TBC1D1: variants seen among roughly 807,000 people sequenced by gnomAD.
TBC1D1 encodes TBC1 (tre-2/USP6, BUB2, cdc16) domain family, member 1.
A neutral mutation model predicts 125.6 loss-of-function variants in TBC1D1; 89 were observed. The ratio of observed to expected loss-of-function variants is 0.71; its 90% CI spans 0.60 to 0.85. The LOEUF (loss-of-function observed/expected upper bound fraction) is 0.85. Ranked by LOEUF, TBC1D1 falls within the 40% of genes least tolerant of loss-of-function variation. The pLI, the probability that TBC1D1 is intolerant of heterozygous loss-of-function variation, is 0.00. For missense variants in TBC1D1, 1,377 were observed against 1,469.2 expected, an observed-to-expected ratio of 0.94 and a Z score of 1.03; for synonymous variants, 565 against 564.1, an observed-to-expected ratio of 1.00 and a Z score of -0.02.
In TBC1D1 at chr4:37,895,805, TG is replaced by T. The variant is rs1714441508; in HGVS notation, c.-94+4458del. On this transcript the variant is annotated intron_variant, in intron 1 of 19. Coordinates refer to ENST00000261439, the MANE Select transcript of TBC1D1 (RefSeq NM_015173.4). ...CACCCCAGTACTAAAGCATCCTTGA[TG>T]ATGAAAACATTTAGAACCACTGGTT... 2.6e-5 allele frequency among the ~76,000 whole-genome samples: 4 copies of T among 152,310 alleles called. No homozygotes were observed. The South Asian group carries it at 8.3e-4, about 32-fold the overall frequency.
chr4:37,976,002 C>T (rs188861622), intron 2 of TBC1D1, among the ~76,000 whole-genome samples: 277 of 152,238 alleles, frequency 1.8e-3, no homozygotes, highest in African/African-American at 6.1e-3. Context: ...TTATCTCCTC[C>T]CCTTAAGTGT....
rs750127633 is a variant in TBC1D1 at position 38,124,990 on chromosome 4, C to T, written c.2991C>T (p.Val997=). Reference sequence around the variant, plus strand: ...TGATTTTTCTTCAGGGAACAGAGGTCATATTTAAAGTGGCTTTAAGTCTGT... The same window carrying T: ...TGATTTTTCTTCAGGGAACAGAGGTTATATTTAAAGTGGCTTTAAGTCTGT... The change falls in exon 18 of 20, where the codon GTC becomes GTT. Residue 997 remains valine (V), a synonymous_variant. Transcript: ENST00000261439. The T allele has an allele frequency of 5.0e-6, 8 of 1,613,972 alleles. No individual in the cohort carries two copies. The South Asian group carries it at 6.6e-5, about 13-fold the overall frequency.
intron 6 of TBC1D1, among the ~76,000 whole-genome samples, chr4:38,023,921 A>G (rs571438231): frequency 6.6e-6 from 1 of 152,342 alleles, no homozygotes; most frequent in South Asian, 2.1e-4. Flanking sequence ...ACACCATTTT[A>G]CAATCCCACT....
At chr4:38,091,101 T>C (rs866955580) in intron 13 of TBC1D1, among the ~76,000 whole-genome samples, 1 of 152,230 alleles carries the variant, frequency 6.6e-6, no homozygotes, top group Non-Finnish European at 1.5e-5. Context: ...TTGTGAGTTA[T>C]GACAACACTG....
intron 2 of TBC1D1, among the ~76,000 whole-genome samples, chr4:37,975,690 T>C (rs1281936986): frequency 6.6e-6 from 1 of 152,180 alleles, no homozygotes; most frequent in Non-Finnish European, 1.5e-5. Context: ...ACTCTTGTCT[T>C]CTGGTCACTT....
At chr4:37,906,636 C>T (rs147896602) in intron 2 of TBC1D1, among the ~76,000 whole-genome samples, 203 of 152,292 alleles carry the variant, frequency 1.3e-3, no homozygotes, top group African/African-American at 4.7e-3. Flanking sequence ...TCTTTTCAAA[C>T]TGATGTCTTA....
chr4:37,937,272 G>A (rs1387145675), intron 2 of TBC1D1, among the ~76,000 whole-genome samples: 1 of 152,094 alleles, frequency 6.6e-6, no homozygotes, highest in African/African-American at 2.4e-5. Flanking sequence ...CCAGAAAACG[G>A]GAGAGAGTGA....
chr4:37,952,031 T>C (rs2152319250), intron 2 of TBC1D1: 2 of 717,680 alleles, frequency 2.8e-6, no homozygotes, highest in Non-Finnish European at 5.2e-6. Context: ...TAGGGGACCT[T>C]TGAAAGAGCT....
chr4:38,047,493 C>T (rs192940130), intron 10 of TBC1D1, among the ~76,000 whole-genome samples: 30 of 152,276 alleles, frequency 2.0e-4, no homozygotes, highest in Non-Finnish European at 3.8e-4. Flanking sequence ...TGTCGTCCAG[C>T]CTCCATCTAA....
At chr4:38,025,558 C>T (rs980368144) in intron 6 of TBC1D1, among the ~76,000 whole-genome samples, 1 of 152,212 alleles carries the variant, frequency 6.6e-6, no homozygotes, top group African/African-American at 2.4e-5. Context: ...AGCTGCATTT[C>T]GTGATTTCAC....
intron 10 of TBC1D1, 72 bp downstream of exon 10, chr4:38,045,975 T>C: frequency 7.6e-7 from 1 of 1,315,506 alleles, no homozygotes; most frequent in Non-Finnish European, 1.1e-6. Context: ...CCTGTCTACA[T>C]ACCTCCAATC....
intron 12 of TBC1D1, among the ~76,000 whole-genome samples, chr4:38,077,368 G>A (rs914169690): frequency 6.6e-6 from 1 of 152,214 alleles, no homozygotes; most frequent in Non-Finnish European, 1.5e-5. Context: ...GAATTGGAAA[G>A]CTGCAGCTAT....
At position 37,896,916 on chromosome 4, in the gene TBC1D1, T is replaced by A. The variant is rs547924448; in HGVS notation, c.-93-5087T>A. Among the ~76,000 whole-genome samples the A allele has an allele frequency of 2.6e-5, 4 of 152,210 alleles. No individual in the cohort carries two copies. In the East Asian group the frequency reaches 7.7e-4, roughly 29 times the overall value. On this transcript the variant is annotated intron_variant, in intron 1 of 19. Transcript: ENST00000261439. ...ATTGAAACTGTTCTAATAAAGGACA[T>A]CTTTGTGTCTTGGGTAGCTACTATG...
At chr4:38,049,980 T>G in intron 11 of TBC1D1, 82 bp downstream of exon 11, 1 of 1,444,054 alleles carries the variant, frequency 6.9e-7, no homozygotes, top group Admixed American at 2.1e-5. Flanking sequence ...GGTATGTTTA[T>G]TGAGTGAGAG....
intron 11 of TBC1D1, among the ~76,000 whole-genome samples, chr4:38,052,763 C>CACACACACACAG (rs1553926748): frequency 1.0e-5 from 1 of 97,050 alleles, no homozygotes. Flanking sequence ...CACACACACA[C>CACACACACACAG]AGGATAACAT....
intron 16 of TBC1D1, among the ~76,000 whole-genome samples, chr4:38,117,694 A>C (rs1319462064): frequency 6.6e-6 from 1 of 152,216 alleles, no homozygotes; most frequent in Non-Finnish European, 1.5e-5. Context: ...TGAGTTGTGC[A>C]AAGAGTATGT....
At position 38,110,631 on chromosome 4, in the gene TBC1D1, C is replaced by T. The variant is rs1762049737; in HGVS notation, c.2558-5079C>T. 2.0e-5 allele frequency: 20 copies of T among 985,270 alleles called. No homozygotes were observed. The South Asian group carries it at 8.5e-4, about 42-fold the overall frequency. 61.0% of individuals were successfully genotyped at this position (985,270 alleles called of 1,614,324 possible). ...CTTTTTATAAAGGGGTTTTTTAATGCCCATGTTTGACCCTCTCCACTTAAC... is the reference window on the plus strand; with the variant it reads ...CTTTTTATAAAGGGGTTTTTTAATGTCCATGTTTGACCCTCTCCACTTAAC... On this transcript the variant is annotated intron_variant, in intron 15 of 19. Transcript: ENST00000261439.
intron 12 of TBC1D1, among the ~76,000 whole-genome samples, chr4:38,084,586 C>T (rs551511180): frequency 2.0e-5 from 3 of 152,262 alleles, no homozygotes; most frequent in East Asian, 1.9e-4. Context: ...TTGAGCTGTT[C>T]GTAACAACAG....
chr4:37,901,461 A>G (rs28399276), intron 1 of TBC1D1, among the ~76,000 whole-genome samples: 39,418 of 152,008 alleles, frequency 0.26, 5,549 homozygotes, highest in African/African-American at 0.36. Flanking sequence ...CTGGCCTAAC[A>G]TTGATATCTG....
Sources: allele counts gnomAD v4.1 joint callset (sites outside exome capture counted in the v4.1 genomes callset), GRCh38; gene constraint gnomAD v4.1.1; transcripts MANE v1.5; gene names NCBI Gene and HGNC (gene_info 2026-07-23, HGNC 2026-07-21).